NTM: variants seen among roughly 807,000 people sequenced by gnomAD.
NTM encodes the protein neurotrimin.
A neutral mutation model predicts 42.1 loss-of-function variants in NTM; 13 were observed. The observed-to-expected ratio is 0.31, with a 90% CI of 0.20 to 0.49. The LOEUF (loss-of-function observed/expected upper bound fraction) is 0.49. Among genes scored for constraint, NTM ranks in the 20% least tolerant of loss-of-function variants. The pLI is 0.99. For missense variants in NTM, 373 were observed against 452.8 expected (o/e 0.82, Z 1.60); for synonymous variants, 187 against 179.2 (o/e 1.04, Z -0.35).
At chr11:131,548,517 A>C (rs1026750688) in intron 1 of NTM, among the ~76,000 whole-genome samples, 17 of 152,168 alleles carry the variant, frequency 1.1e-4, no homozygotes, top group African/African-American at 3.9e-4. Context: ...AATTATGATA[A>C]CATTTACATT....
chr11:131,554,555 A>T (rs1352077667), intron 1 of NTM, among the ~76,000 whole-genome samples: 1 of 151,968 alleles, frequency 6.6e-6, no homozygotes, highest in Non-Finnish European at 1.5e-5. Context: ...CAAAAAAAAA[A>T]AAAAACTCAT....
chr11:131,475,667 G>C (rs142936754), intron 1 of NTM, among the ~76,000 whole-genome samples: 50 of 152,116 alleles, frequency 3.3e-4, no homozygotes, highest in African/African-American at 1.2e-3. Flanking sequence ...GAATAATGTA[G>C]AATTATCACC....
chr11:131,669,299 G>C (rs1325745406), intron 1 of NTM, among the ~76,000 whole-genome samples: 2 of 152,184 alleles, frequency 1.3e-5, no homozygotes, highest in African/African-American at 4.8e-5. Flanking sequence ...TCAGGCTCTG[G>C]AATCAGCCAA....
At chr11:131,679,375 G>C (rs1234104222) in intron 1 of NTM, among the ~76,000 whole-genome samples, 2 of 152,164 alleles carry the variant, frequency 1.3e-5, no homozygotes, top group Non-Finnish European at 2.9e-5. Context: ...ATGGAGGAAA[G>C]GGTTGTCATC....
intron 3 of NTM, among the ~76,000 whole-genome samples, chr11:132,157,415 C>T (rs1490253514): frequency 6.6e-6 from 1 of 152,148 alleles, no homozygotes; most frequent in African/African-American, 2.4e-5. Context: ...GGGGTATCTA[C>T]AGGAGCAGAT....
At chr11:132,098,233 C>T (rs970940402) in intron 2 of NTM, among the ~76,000 whole-genome samples, 1 of 152,208 alleles carries the variant, frequency 6.6e-6, no homozygotes, top group Non-Finnish European at 1.5e-5. Flanking sequence ...AACAGTGTAA[C>T]TTTGTGCATG....
intron 1 of NTM, chr11:131,661,036 T>C (rs1422981095): frequency 1.7e-5 from 22 of 1,304,340 alleles, no homozygotes; most frequent in Non-Finnish European, 2.2e-5. Context: ...GAGGTGGAAA[T>C]GGAAGGGCAC....
intron 1 of NTM, among the ~76,000 whole-genome samples, chr11:131,500,805 A>G (rs1056890913): frequency 5.2e-5 from 7 of 134,588 alleles, no homozygotes; most frequent in Admixed American, 8.6e-5. Context: ...TCATTGTTCA[A>G]TTCCCACCTA....
intron 1 of NTM, among the ~76,000 whole-genome samples, chr11:131,642,160 A>C (rs2065222640): frequency 6.6e-6 from 1 of 152,230 alleles, no homozygotes; most frequent in Non-Finnish European, 1.5e-5. Flanking sequence ...CACTTGGAGC[A>C]GTTGGTCAGG....
At chr11:131,835,568 A>G (rs2043382250) in intron 1 of NTM, among the ~76,000 whole-genome samples, 1 of 152,198 alleles carries the variant, frequency 6.6e-6, no homozygotes, top group African/African-American at 2.4e-5. Context: ...AATGGGTAAC[A>G]TTAAAAAAAA....
intron 1 of NTM, among the ~76,000 whole-genome samples, chr11:131,603,913 C>T (rs1362661724): frequency 9.2e-6 from 1 of 108,842 alleles, no homozygotes; most frequent in Non-Finnish European, 2.0e-5. Flanking sequence ...AGATCTGCTA[C>T]ATTTTGTTTA....
intron 2 of NTM, among the ~76,000 whole-genome samples, chr11:131,916,029 A>T (rs982434968): frequency 5.3e-5 from 8 of 152,208 alleles, no homozygotes; most frequent in African/African-American, 1.7e-4. Context: ...CTTGGGTCCA[A>T]CTGGAAAAGC....
chr11:131,412,074 A>G (rs1036181910), intron 1 of NTM, among the ~76,000 whole-genome samples: 9 of 152,140 alleles, frequency 5.9e-5, no homozygotes, highest in Non-Finnish European at 8.8e-5. Context: ...TTCAGTGTCA[A>G]TGCAATTCTA....
chr11:132,271,078 C>T (rs796344483), intron 4 of NTM, among the ~76,000 whole-genome samples: 159 of 152,272 alleles, frequency 1.0e-3, no homozygotes, highest in African/African-American at 3.7e-3. Context: ...TCTCACCCCC[C>T]AGCACATTAC....
intron 4 of NTM, among the ~76,000 whole-genome samples, chr11:132,250,093 G>A (rs1402720872): frequency 1.3e-5 from 2 of 152,046 alleles, no homozygotes; most frequent in Non-Finnish European, 2.9e-5. Context: ...CTCAGTTTTT[G>A]TTTAGTGAAA....
chr11:131,969,135 T>A (rs1222763002), intron 2 of NTM, among the ~76,000 whole-genome samples: 1 of 152,222 alleles, frequency 6.6e-6, no homozygotes, highest in East Asian at 1.9e-4. Flanking sequence ...GTACAAAGAC[T>A]GAAGTCATTA....
rs549454003 is a variant in NTM, at chr11:132,196,609, C to T, written c.401-15413C>T. 7.2e-5 allele frequency among the ~76,000 whole-genome samples: 11 copies of T among 152,252 alleles called. No individual in the cohort carries two copies. The South Asian group carries it at 2.3e-3, about 32-fold the overall frequency. ...TATACACCATGGAATACTACACATCCGTAAAACAAATCAAATCATGTTCTT... is the reference window on the plus strand; with the variant it reads ...TATACACCATGGAATACTACACATCTGTAAAACAAATCAAATCATGTTCTT... On this transcript the variant is annotated intron_variant, in intron 3 of 8. Transcript: ENST00000683400.
intron 2 of NTM, among the ~76,000 whole-genome samples, chr11:131,970,203 G>C (rs2063354688): frequency 1.3e-5 from 2 of 152,148 alleles, no homozygotes; most frequent in South Asian, 4.1e-4. Flanking sequence ...CATGCATCCA[G>C]GTCAAGAATA....
intron 3 of NTM, among the ~76,000 whole-genome samples, chr11:132,205,252 A>G (rs534437737): frequency 9.2e-5 from 14 of 152,290 alleles, no homozygotes; most frequent in African/African-American, 2.6e-4. Flanking sequence ...CAAGTGGCTT[A>G]TGTGCATTCT....
Sources: gnomAD v4.1 joint callset for allele counts (sites outside exome capture counted in the v4.1 genomes callset) on GRCh38, gnomAD v4.1.1 for gene constraint, MANE v1.5 for transcripts, NCBI Gene and HGNC (gene_info 2026-07-23, HGNC 2026-07-21) for gene names.